JMY: variants seen among roughly 807,000 people sequenced by gnomAD.
The protein encoded by JMY is junction-mediating and -regulatory protein.
Under a neutral mutation model 103.3 loss-of-function variants are expected in JMY, and 46 were observed. The ratio of observed to expected loss-of-function variants is 0.45; its 90% CI spans 0.35 to 0.57. JMY has a LOEUF of 0.57. JMY is among the 20% of genes least tolerant of loss of function. JMY has a pLI of 0.00. For missense variants in JMY, 1,238 were observed against 1,255.2 expected (o/e 0.99, Z 0.21); for synonymous variants, 526 against 489.3 (o/e 1.07, Z -0.99).
intron 2 of JMY, among the ~76,000 whole-genome samples, chr5:79,288,954 G>T (rs1035627221): frequency 2.0e-5 from 3 of 151,994 alleles, no homozygotes; most frequent in Non-Finnish European, 4.4e-5. Context: ...TGGGTTGTAG[G>T]CCAGGTGTGG....
intron 7 of JMY, among the ~76,000 whole-genome samples, chr5:79,310,978 T>C (rs1747031675): frequency 6.6e-6 from 1 of 152,066 alleles, no homozygotes; most frequent in Non-Finnish European, 1.5e-5. Context: ...ATTTTTAAAA[T>C]AGCTGGGCAT....
At chr5:79,252,138 G>A (rs966958017) in intron 1 of JMY, among the ~76,000 whole-genome samples, 1 of 152,150 alleles carries the variant, frequency 6.6e-6, no homozygotes, top group African/African-American at 2.4e-5. Flanking sequence ...TGCTTTTGCT[G>A]TATCCCATAG....
chr5:79,289,807 A>G (rs1210302511), intron 2 of JMY, among the ~76,000 whole-genome samples: 1 of 152,192 alleles, frequency 6.6e-6, no homozygotes, highest in Non-Finnish European at 1.5e-5. Context: ...TTAACCAAAA[A>G]AGATATTTTA....
At position 79,324,280 on chromosome 5, in the gene JMY, G is replaced by A. The variant is rs1747559374; in HGVS notation, c.*2678G>A. ...TCTTCGGCCTTGATACTAAATATGT[G>A]TATATTTAGTTATGATGGTACTTGT... is the stretch of plus-strand genomic sequence containing the variant. On this transcript the variant is annotated 3_prime_UTR_variant, in exon 11 of 11. Coordinates refer to ENST00000396137, the MANE Select transcript of JMY (RefSeq NM_152405.5). The A allele has an allele frequency of 2.0e-5, 3 of 152,096 alleles. No individual in the cohort carries two copies. In the South Asian group the frequency reaches 6.2e-4, roughly 32 times the overall value. 9.4% of individuals were successfully genotyped at this position (152,096 alleles called of 1,614,324 possible).
At chr5:79,312,524 TG>T (rs764811026) in intron 8 of JMY, 26 bp downstream of exon 8, 31 of 1,284,548 alleles carry the variant, frequency 2.4e-5, no homozygotes, top group Admixed American at 1.1e-4. Context: ...GTCCATTTAT[TG>T]TTTTTCTTTT....
At chr5:79,308,660 A>G (rs1218251218) in intron 7 of JMY, among the ~76,000 whole-genome samples, 1 of 152,140 alleles carries the variant, frequency 6.6e-6, no homozygotes, top group East Asian at 1.9e-4. Flanking sequence ...TGAATTTATA[A>G]GTCAAGTAGG....
At chr5:79,295,498 C>T (rs1473665096) in intron 4 of JMY, among the ~76,000 whole-genome samples, 1 of 152,084 alleles carries the variant, frequency 6.6e-6, no homozygotes, top group Non-Finnish European at 1.5e-5. Flanking sequence ...AGAGTAAGAC[C>T]TGGATAAATA....
chr5:79,313,793 T>C (rs1325640166), intron 8 of JMY, among the ~76,000 whole-genome samples: 1 of 152,248 alleles, frequency 6.6e-6, no homozygotes, highest in Non-Finnish European at 1.5e-5. Flanking sequence ...AATTCATAAT[T>C]GTTTGTAAGC....
intron 1 of JMY, among the ~76,000 whole-genome samples, chr5:79,244,992 G>A (rs555838421): frequency 6.6e-6 from 1 of 152,224 alleles, no homozygotes; most frequent in East Asian, 1.9e-4. Flanking sequence ...AGAAAATTTG[G>A]AGTTGTTTTC....
intron 10 of JMY, among the ~76,000 whole-genome samples, chr5:79,318,937 T>G (rs771269146): frequency 7.2e-5 from 11 of 152,210 alleles, no homozygotes; most frequent in Non-Finnish European, 1.5e-4. Flanking sequence ...CTGCTGTAGC[T>G]TCTCAGGAAG....
intron 1 of JMY, among the ~76,000 whole-genome samples, chr5:79,265,213 T>C (rs868349552): frequency 2.0e-5 from 3 of 152,214 alleles, no homozygotes; most frequent in African/African-American, 4.8e-5. Context: ...CGTGAGCTAC[T>C]GCACCCGGCC....
chr5:79,302,083 C>A (rs1352384915), intron 6 of JMY, among the ~76,000 whole-genome samples: 1,201 of 102,120 alleles, frequency 0.012, no homozygotes, highest in South Asian at 0.015. Flanking sequence ...AACTCCGTCT[C>A]AAAAAAAAAA....
At chr5:79,271,739 C>T (rs1042393432) in intron 1 of JMY, among the ~76,000 whole-genome samples, 3 of 152,140 alleles carry the variant, frequency 2.0e-5, no homozygotes, top group Non-Finnish European at 4.4e-5. Context: ...ACTTAATGTA[C>T]TTTGAAGTTC....
At chr5:79,248,720 A>T (rs1053710231) in intron 1 of JMY, among the ~76,000 whole-genome samples, 26 of 151,990 alleles carry the variant, frequency 1.7e-4, no homozygotes, top group African/African-American at 6.3e-4. Flanking sequence ...ACAGTTAAGG[A>T]TGTTAATTTC....
At chr5:79,240,404 G>A (rs1580322601) in intron 1 of JMY, among the ~76,000 whole-genome samples, 1 of 151,278 alleles carries the variant, frequency 6.6e-6, no homozygotes, top group Non-Finnish European at 1.5e-5. Flanking sequence ...TCCACCTCCC[G>A]GGTTCAAGCA....
In JMY at chr5:79,323,989, G is replaced by A. The variant is rs1747548077; in HGVS notation, c.*2387G>A. 6.6e-6 allele frequency: 1 copy of A among 152,176 alleles called. No homozygotes were observed. The allele number at this position is 152,176 out of a possible 1,614,324, so 9.4% of individuals were successfully genotyped here. ...GGCAGCCAGCTATGCCCATCCTCTT[G>A]TAAATAACTTTCCAACACACCCATT... On this transcript the variant is annotated 3_prime_UTR_variant, in exon 11 of 11. Coordinates refer to ENST00000396137, the MANE Select transcript of JMY (RefSeq NM_152405.5).
chr5:79,283,633 T>G (rs1246483233), intron 2 of JMY, among the ~76,000 whole-genome samples: 2 of 152,190 alleles, frequency 1.3e-5, no homozygotes, highest in Admixed American at 6.6e-5. Flanking sequence ...CTCAAAAATG[T>G]GATCACCTGA....
intron 1 of JMY, among the ~76,000 whole-genome samples, chr5:79,238,648 CTTTTTT>C (rs1055172051): frequency 2.7e-4 from 33 of 120,668 alleles, no homozygotes; most frequent in Middle Eastern, 0.011. Flanking sequence ...TCCGCGCCTT[CTTTTTT>C]TTTTTTTTTT....
intron 1 of JMY, among the ~76,000 whole-genome samples, chr5:79,269,608 C>T (rs1455035564): frequency 1.3e-5 from 2 of 152,032 alleles, no homozygotes; most frequent in African/African-American, 4.8e-5. Flanking sequence ...TTTCCTTTGT[C>T]AGAGTTTTAT....
Sources: gnomAD v4.1 joint callset for allele counts (sites outside exome capture counted in the v4.1 genomes callset) on GRCh38, gnomAD v4.1.1 for gene constraint, MANE v1.5 for transcripts, NCBI Gene and HGNC (gene_info 2026-07-23, HGNC 2026-07-21) for gene names.